Variants in FAT1 observed in about 807,000 individuals in gnomAD.
FAT1 encodes protocadherin Fat 1.
Under a neutral mutation model 329.8 loss-of-function variants are expected in FAT1, and 171 were observed. That is an observed-to-expected ratio of 0.52 (90% confidence interval 0.46 to 0.59). The LOEUF is 0.59. Among genes scored for constraint, FAT1 ranks in the 20% least tolerant of loss-of-function variants. The probability of loss-of-function intolerance (pLI) is 0.00; values close to 1 mark genes in which losing one functional copy is unlikely to be tolerated. For missense variants in FAT1, 5,672 were observed against 5,774.4 expected (o/e 0.98, Z 0.57); for synonymous variants, 2,233 against 2,228.6 (o/e 1.00, Z -0.06).
rs777213391 is a variant in FAT1, at chr4:186,709,285, G to A, written c.543C>T (p.Asn181=). 58 of 1,613,770 alleles carry A rather than the reference G, an allele frequency of 3.6e-5. No homozygotes were observed. The highest frequency in any genetic ancestry group is 3.3e-4 in the South Asian group (30 of 91,082). ...CTTTAAAACTGTAGTAAAATTCCCC[G>A]TTGGTTCCTATGTCTGCATCCGTGG... The part of the protein sequence containing the change: ...VSATDADIGT[N]GEFYYSFKDR... The change falls in exon 2 of 27, where the codon AAC becomes AAT. Residue 181 remains asparagine, a synonymous_variant. Transcript: ENST00000441802.
intron 2 of FAT1, among the ~76,000 whole-genome samples, chr4:186,684,414 T>C (rs1743367977): frequency 6.6e-6 from 1 of 152,178 alleles, no homozygotes; most frequent in African/African-American, 2.4e-5. Flanking sequence ...GAAGGTACTC[T>C]TGCAGATTTC....
intron 3 of FAT1, among the ~76,000 whole-genome samples, chr4:186,659,926 G>A (rs1253432072): frequency 7.3e-5 from 11 of 151,598 alleles, no homozygotes; most frequent in Admixed American, 6.6e-4. Context: ...TGTGGCACCT[G>A]TCCCCTGAAC....
intron 3 of FAT1, among the ~76,000 whole-genome samples, chr4:186,643,859 C>T (rs1183061485): frequency 7.2e-6 from 1 of 139,360 alleles, no homozygotes; most frequent in Non-Finnish European, 1.5e-5. Flanking sequence ...GCTCCATATA[C>T]CCACTACATG....
intron 3 of FAT1, among the ~76,000 whole-genome samples, chr4:186,656,181 G>A (rs78626860): frequency 0.046 from 6,930 of 152,296 alleles, 240 homozygotes; most frequent in Non-Finnish European, 0.073. Context: ...GGGCATAGCT[G>A]TCCCCAGTTG....
rs774917696 is a variant in FAT1, at chr4:186,596,498, A to G, written c.13000+42T>C. ...GACAGAATTTGTAACCTCACTGTTT[A>G]TCTCAAGTGACACTTTAGTGAGATG... On this transcript the variant is annotated intron_variant, in intron 25 of 26. Transcript: ENST00000441802. The surrounding 1 kb of genome is among the most constrained non-coding windows in gnomAD (Gnocchi z 4.7). The G allele has an allele frequency of 2.0e-5, 32 of 1,573,568 alleles. No individual in the cohort carries two copies. Among genetic ancestry groups the G allele is most frequent in the Non-Finnish European group, 2.8e-5 (32 of 1,161,892 alleles).
At position 186,597,998 on chromosome 4, in the gene FAT1, C is replaced by G. The variant is rs1312821327; in HGVS notation, c.12231G>C (p.Gln4077His). Residue 4077 changes from glutamine to histidine, a missense_variant, in exon 23 of 27, where the codon CAG becomes CAC. Transcript: ENST00000441802. ...TCTGACCAGTATATAATCCTCTACA[C>G]TGGCAAACAAAGCCTCCGTTGTCGA... ...CVVDNGGFVCQCRGLYTGQRC... is the reference protein window; with the variant it reads ...CVVDNGGFVCHCRGLYTGQRC... 1.2e-6 allele frequency: 2 copies of G among 1,613,042 alleles called. No homozygotes were observed. Among genetic ancestry groups the G allele is most frequent in the Admixed American group, 1.7e-5 (1 of 59,786 alleles).
rs115544787 is a variant in FAT1 at position 186,623,560 on chromosome 4, C to T, written c.4811-1785G>A. On this transcript the variant is annotated intron_variant, in intron 9 of 26. Coordinates refer to ENST00000441802, the MANE Select transcript of FAT1 (RefSeq NM_005245.4). ...ATTGTACAGGATAATCTTATCTTGC[C>T]GATGAAGCTTCAAATATGCAAGGCC... Among the ~76,000 whole-genome samples, 611 of 152,242 alleles carry T rather than the reference C, an allele frequency of 4.0e-3. 5 individuals carry two copies. Among genetic ancestry groups the T allele is most frequent in the African/African-American group, 0.014 (573 of 41,542 alleles).
intron 2 of FAT1, among the ~76,000 whole-genome samples, chr4:186,672,484 T>C (rs1445116542): frequency 2.0e-5 from 3 of 152,188 alleles, no homozygotes; most frequent in African/African-American, 4.8e-5. Flanking sequence ...AAACCAGTGA[T>C]GTGCCATGAG....
chr4:186,710,449 A>AG (rs1744898153), intron 1 of FAT1, among the ~76,000 whole-genome samples: 1 of 152,244 alleles, frequency 6.6e-6, no homozygotes, highest in Admixed American at 6.5e-5. Flanking sequence ...ACATAATGTA[A>AG]GGGTTTATTG....
chr4:186,603,013 T>C lies in FAT1; in HGVS notation c.11372A>G (p.His3791Arg). Residue 3791 changes from histidine to arginine, a missense_variant, in exon 20 of 27, where the codon CAC becomes CGC. Physicochemically the swap from His to Arg is conservative, Grantham distance 29. Coordinates refer to ENST00000441802, the MANE Select transcript of FAT1 (RefSeq NM_005245.4). ...GCACGGATCATCTTCACAGCCATGG[T>C]GGACAGGTGGGCACCTTCCCTCTTC... The part of the protein sequence containing the change: ...LCKEGRCPPV[H>R]HGCEDDPCPE... The C allele has an allele frequency of 1.2e-6, 2 of 1,613,956 alleles. No individual in the cohort carries two copies. The highest frequency in any genetic ancestry group is 2.2e-5 in the East Asian group (1 of 44,870).
chr4:186,599,792 A>G, intron 22 of FAT1, 106 bp downstream of exon 22: 4 of 905,310 alleles, frequency 4.4e-6, no homozygotes, highest in Non-Finnish European at 6.6e-6. Context: ...GTGTCTGACA[A>G]AATTATCTGA....
At chr4:186,715,162 CCCCTAAGA>C (rs1439564444) in intron 1 of FAT1, among the ~76,000 whole-genome samples, 1 of 152,044 alleles carries the variant, frequency 6.6e-6, no homozygotes, top group African/African-American at 2.4e-5. Flanking sequence ...ACTGTTCCAT[CCCCTAAGA>C]CACACAGACC....
In FAT1 at chr4:186,590,139, A is replaced by G. The variant is rs1280101; in HGVS notation, c.13139-919T>C. Reference sequence around the variant, plus strand: ...CCACTATTTTAAAAAAAAACTTCCAATTTTGGAATAGTTTTTTTTTTTTCC... The same window carrying G: ...CCACTATTTTAAAAAAAAACTTCCAGTTTTGGAATAGTTTTTTTTTTTTCC... On this transcript the variant is annotated intron_variant, in intron 26 of 26. Coordinates refer to ENST00000441802, the MANE Select transcript of FAT1 (RefSeq NM_005245.4). 8.4e-3 allele frequency among the ~76,000 whole-genome samples: 1,194 copies of G among 142,580 alleles called. 11 individuals carry two copies. The highest frequency in any genetic ancestry group is 0.028 in the African/African-American group (1,110 of 39,512). 93.5% of individuals were successfully genotyped at this position (142,580 alleles called of 152,430 possible).
At chr4:186,697,106 T>A (rs558296934) in intron 2 of FAT1, among the ~76,000 whole-genome samples, 19 of 152,306 alleles carry the variant, frequency 1.2e-4, no homozygotes, top group African/African-American at 3.8e-4. Context: ...CTGAGTTTCC[T>A]GACAGATTGC....
At position 186,708,020 on chromosome 4, in the gene FAT1, T is replaced by C. The variant is rs2126693185; in HGVS notation, c.1808A>G (p.Gln603Arg). The change falls in exon 2 of 27, where the codon CAG (glutamine) becomes CGG (arginine). Residue 603 changes from glutamine (Q) to arginine (R), a missense_variant. Physicochemically the swap from Gln to Arg is conservative, Grantham distance 43. Coordinates refer to ENST00000441802, the MANE Select transcript of FAT1 (RefSeq NM_005245.4). ...TTCATTTCCAGCTTCAATCTGATACTGTACCAACTGAAGTTCATCTGCATC... is the reference window on the plus strand; with the variant it reads ...TTCATTTCCAGCTTCAATCTGATACCGTACCAACTGAAGTTCATCTGCATC... ...AIDADELQLV[Q>R]YQIEAGNELD... 6.2e-7 allele frequency: 1 copy of C among 1,613,956 alleles called. No homozygotes were observed. The highest frequency in any genetic ancestry group is 8.5e-7 in the Non-Finnish European group (1 of 1,179,880).
chr4:186,693,784 A>G (rs1349277101), intron 2 of FAT1, among the ~76,000 whole-genome samples: 2 of 152,136 alleles, frequency 1.3e-5, no homozygotes, highest in Non-Finnish European at 2.9e-5. Context: ...ACAATACTTA[A>G]TATTGGCCCA....
chr4:186,724,028 C>T (rs1013793788), upstream of FAT1, among the ~76,000 whole-genome samples: 2 of 151,576 alleles, frequency 1.3e-5, no homozygotes, highest in African/African-American at 4.8e-5. The surrounding 1 kb of genome is among the most constrained non-coding windows in gnomAD (Gnocchi z 5.3). Context: ...ACACCAGGTC[C>T]GTGCTGGGAG....
At chr4:186,721,196 A>G (rs2126723988) in intron 1 of FAT1, among the ~76,000 whole-genome samples, 1 of 152,370 alleles carries the variant, frequency 6.6e-6, no homozygotes, top group South Asian at 2.1e-4. Flanking sequence ...GAACCCTTGG[A>G]ATTAAGCAAG....
At chr4:186,649,365 T>C (rs1741524552) in intron 3 of FAT1, among the ~76,000 whole-genome samples, 1 of 152,200 alleles carries the variant, frequency 6.6e-6, no homozygotes, top group Non-Finnish European at 1.5e-5. Context: ...AATACCTTTG[T>C]GGTGGATTGA....
Sources: allele counts gnomAD v4.1 joint callset (sites outside exome capture counted in the v4.1 genomes callset), GRCh38; gene constraint gnomAD v4.1.1; non-coding constraint Gnocchi (gnomAD v3.1); transcripts MANE v1.5; gene names NCBI Gene and HGNC (gene_info 2026-07-23, HGNC 2026-07-21).